The following MCC variants were observed in gnomAD, a reference collection of about 807,000 sequenced individuals.
MCC encodes colorectal mutant cancer protein.
Under a neutral mutation model 116.2 loss-of-function variants are expected in MCC, and 90 were observed. That is an observed-to-expected ratio of 0.77 (90% confidence interval 0.65 to 0.92). The LOEUF (loss-of-function observed/expected upper bound fraction) is 0.92. MCC is among the 40% of genes least tolerant of loss of function. The pLI is 0.00. For synonymous variants in MCC, 578 were observed against 510.5 expected, an observed-to-expected ratio of 1.13 and a Z score of -1.78; for missense variants, 1,516 against 1,312.2, an observed-to-expected ratio of 1.16 and a Z score of -2.40.
intron 2 of MCC, among the ~76,000 whole-genome samples, chr5:113,342,993 C>T (rs1294819397): frequency 2.0e-5 from 3 of 151,982 alleles, no homozygotes; most frequent in Non-Finnish European, 4.4e-5. Context: ...TAATACATGG[C>T]TTTTAATGAC....
chr5:113,060,477 G>A (rs3922410), intron 14 of MCC, among the ~76,000 whole-genome samples: 136,329 of 152,096 alleles, frequency 0.9, 61,371 homozygotes, highest in East Asian at 1. Context: ...TAGAAGGAAA[G>A]TGCCCTGGGG....
At chr5:113,246,100 T>C (rs1764565076) in intron 3 of MCC, among the ~76,000 whole-genome samples, 1 of 152,204 alleles carries the variant, frequency 6.6e-6, no homozygotes, top group Non-Finnish European at 1.5e-5. Context: ...GATTTAGTTA[T>C]AAAAGATGGC....
intron 3 of MCC, among the ~76,000 whole-genome samples, chr5:113,283,533 C>A (rs78231635): frequency 1.3e-5 from 2 of 151,880 alleles, no homozygotes; most frequent in Non-Finnish European, 2.9e-5. Flanking sequence ...TAAAAAGAAA[C>A]GGAAAAGAAC....
At position 113,458,512 on chromosome 5, in the gene MCC, G is replaced by A. The variant is rs1234436045; in HGVS notation, c.170+29733C>T. On this transcript the variant is annotated intron_variant, in intron 1 of 18. Coordinates refer to ENST00000408903, the MANE Select transcript of MCC (RefSeq NM_001085377.2). ...CGCGAGGGTCCATGGCTTCATTCTT[G>A]AAGTCAGTGAGACCAAGAACCCACC... 4.6e-5 allele frequency among the ~76,000 whole-genome samples: 7 copies of A among 152,318 alleles called. 1 individual carries two copies. In the South Asian group the frequency reaches 1.0e-3, roughly 23 times the overall value.
chr5:113,039,656 C>T (rs1434630342), intron 17 of MCC, among the ~76,000 whole-genome samples: 1 of 152,150 alleles, frequency 6.6e-6, no homozygotes, highest in Non-Finnish European at 1.5e-5. Context: ...CAGACTTCCC[C>T]ACTGCCTCAC....
At chr5:113,053,132 G>C (rs187922802) in intron 15 of MCC, among the ~76,000 whole-genome samples, 2 of 152,280 alleles carry the variant, frequency 1.3e-5, no homozygotes, top group Non-Finnish European at 2.9e-5. Flanking sequence ...AGCTTTCCAA[G>C]AAAGCTCCCT....
chr5:113,040,144 G>A (rs1349803103), intron 17 of MCC, among the ~76,000 whole-genome samples: 4 of 151,756 alleles, frequency 2.6e-5, no homozygotes, highest in Non-Finnish European at 5.9e-5. Flanking sequence ...TAGGGGGAAC[G>A]AAATCAGACC....
At chr5:113,197,420 T>C (rs1187698070) in intron 3 of MCC, among the ~76,000 whole-genome samples, 2 of 152,104 alleles carry the variant, frequency 1.3e-5, no homozygotes, top group Non-Finnish European at 1.5e-5. Flanking sequence ...AGGCTGTTTG[T>C]GGTGATGGAC....
At chr5:113,078,362 G>A (rs1266631734) in intron 11 of MCC, among the ~76,000 whole-genome samples, 1 of 152,120 alleles carries the variant, frequency 6.6e-6, no homozygotes, top group African/African-American at 2.4e-5. Context: ...CAAAAAAAGA[G>A]AATTCCAGAC....
intron 5 of MCC, among the ~76,000 whole-genome samples, chr5:113,134,333 C>T (rs1377108473): frequency 6.6e-6 from 1 of 152,100 alleles, no homozygotes; most frequent in African/African-American, 2.4e-5. Flanking sequence ...ACTGTTCTTT[C>T]CCCCATTGTA....
intron 3 of MCC, among the ~76,000 whole-genome samples, chr5:113,299,302 A>T: frequency 1.9e-4 from 2 of 10,522 alleles, no homozygotes; most frequent in African/African-American, 1.2e-3. Context: ...CAAAAAAAAA[A>T]AAAAAAAAAA....
In MCC at chr5:113,275,965, G is replaced by GTTTTTTTTTT. The variant is rs1194323460; in HGVS notation, c.627+64553_627+64554insAAAAAAAAAA. 5.0e-5 allele frequency among the ~76,000 whole-genome samples: 6 copies of GTTTTTTTTTT among 121,032 alleles called. 1 individual carries two copies. Among genetic ancestry groups the GTTTTTTTTTT allele is most frequent in the African/African-American group, 1.3e-4 (4 of 29,686 alleles). 79.4% of individuals were successfully genotyped at this position (121,032 alleles called of 152,430 possible). A position where few individuals can be genotyped will look rare whatever the true frequency, so the allele number is the denominator to read the frequency against. ...AAACATTCTAAAATTGATTTCACTTGTTTTGTTTTTTTTTTTTTTTTTTTA... is the reference window on the plus strand; with the variant it reads ...AAACATTCTAAAATTGATTTCACTTGTTTTTTTTTTTTTTGTTTTTTTTTTTTTTTTTTTA... On this transcript the variant is annotated intron_variant, in intron 3 of 18. Coordinates refer to ENST00000408903, the MANE Select transcript of MCC (RefSeq NM_001085377.2).
intron 6 of MCC, among the ~76,000 whole-genome samples, chr5:113,114,732 G>C (rs564121027): frequency 6.6e-6 from 1 of 152,154 alleles, no homozygotes; most frequent in Non-Finnish European, 1.5e-5. Flanking sequence ...CCGTTGCTTC[G>C]GAGAGGAGTC....
At chr5:113,485,924 G>T (rs894111794) in intron 1 of MCC, among the ~76,000 whole-genome samples, 3 of 152,188 alleles carry the variant, frequency 2.0e-5, no homozygotes, top group African/African-American at 4.8e-5. Flanking sequence ...GATAGAACAG[G>T]AATGCACAAC....
At chr5:113,357,724 T>C (rs538965195) in intron 2 of MCC, among the ~76,000 whole-genome samples, 1 of 152,272 alleles carries the variant, frequency 6.6e-6, no homozygotes, top group African/African-American at 2.4e-5. Context: ...GAAGAACGCC[T>C]GAAGTGAGCA....
rs1457932257 is a variant in MCC, at chr5:113,025,165, C to CA, written c.*2136dup. ...TGCCCATTTGATGCCTGCTTAATCA[C>CA]AAAAAAGAGCCATGCACATCCCACT... On this transcript the variant is annotated 3_prime_UTR_variant, in exon 19 of 19. Transcript: ENST00000408903. 7 of 151,142 alleles carry CA rather than the reference C, an allele frequency of 4.6e-5. No individual in the cohort carries two copies. Among genetic ancestry groups the CA allele is most frequent in the Non-Finnish European group, 5.9e-5 (4 of 67,888 alleles). The allele number at this position is 151,142 out of a possible 1,614,324, so 9.4% of individuals were successfully genotyped here. A position where few individuals can be genotyped will look rare whatever the true frequency, so the allele number is the denominator to read the frequency against.
Position 113,085,281 on chromosome 5 carries a change from G to A in MCC, c.1428C>T (p.Ser476=), listed in dbSNP as rs369354056. The change falls in exon 9 of 19, where the codon AGC becomes AGT. Residue 476 remains serine (S), a synonymous_variant. Transcript: ENST00000408903. ...GGCTGGAGGGACCTGTGGCCTGCAC[G>A]CTCTGTAGTCGAGTTTGAAGCTCTC... The part of the protein sequence containing the change: ...RVRELQTRLQ[S]VQATGPSSPG... The A allele has an allele frequency of 7.4e-6, 12 of 1,613,802 alleles. No individual in the cohort carries two copies. Among genetic ancestry groups the A allele is most frequent in the African/African-American group, 4.0e-5 (3 of 74,902 alleles).
At chr5:113,151,217 T>C in intron 4 of MCC, 92 bp downstream of exon 4, 2 of 741,080 alleles carry the variant, frequency 2.7e-6, no homozygotes, top group Admixed American at 5.3e-5. Context: ...GTAATTTGTT[T>C]TGTGGGAATT....
At chr5:113,454,136 T>C (rs578162067) in intron 1 of MCC, among the ~76,000 whole-genome samples, 2 of 152,054 alleles carry the variant, frequency 1.3e-5, no homozygotes, top group African/African-American at 4.8e-5. Context: ...AAGTAATAAA[T>C]GTACATTTAA....
Sources: gnomAD v4.1 joint callset for allele counts (sites outside exome capture counted in the v4.1 genomes callset) on GRCh38, gnomAD v4.1.1 for gene constraint, MANE v1.5 for transcripts, NCBI Gene and HGNC (gene_info 2026-07-23, HGNC 2026-07-21) for gene names.